Variants in RNF144A observed in about 807,000 individuals in gnomAD.
RNF144A encodes E3 ubiquitin-protein ligase RNF144A.
A neutral mutation model predicts 38.7 loss-of-function variants in RNF144A; 11 were observed. The ratio of observed to expected loss-of-function variants is 0.28; its 90% CI spans 0.18 to 0.47. The LOEUF (loss-of-function observed/expected upper bound fraction) is 0.47. Ranked by LOEUF, RNF144A falls within the 20% of genes least tolerant of loss-of-function variation. The probability of loss-of-function intolerance (pLI) is 0.99; values close to 1 mark genes in which losing one functional copy is unlikely to be tolerated. For synonymous variants in RNF144A, 149 were observed against 143.9 expected (o/e 1.04, Z -0.25); for missense variants, 316 against 377.2 (o/e 0.84, Z 1.34).
intron 2 of RNF144A, among the ~76,000 whole-genome samples, chr2:6,951,645 A>G (rs781129197): frequency 6.6e-6 from 1 of 152,138 alleles, no homozygotes; most frequent in African/African-American, 2.4e-5. Flanking sequence ...TATGTTTTCT[A>G]CTTTTCTCTA....
chr2:6,955,482 A>C (rs1413908880), intron 2 of RNF144A, among the ~76,000 whole-genome samples: 14 of 152,134 alleles, frequency 9.2e-5, no homozygotes, highest in Non-Finnish European at 1.8e-4. Flanking sequence ...GACCGAGTCA[A>C]TTCTTCTCAG....
intron 1 of RNF144A, among the ~76,000 whole-genome samples, chr2:6,937,163 T>G (rs1448329336): frequency 6.6e-6 from 1 of 152,222 alleles, no homozygotes; most frequent in South Asian, 2.1e-4. Flanking sequence ...CCAGAGTATA[T>G]GAAGAACAAT....
chr2:7,021,734 A>G (rs978464512), intron 6 of RNF144A, among the ~76,000 whole-genome samples: 3 of 152,316 alleles, frequency 2.0e-5, no homozygotes, highest in South Asian at 2.1e-4. Flanking sequence ...CATCAGGATG[A>G]GCTCCTGACA....
At chr2:6,929,176 TG>T (rs1665062295) in intron 1 of RNF144A, among the ~76,000 whole-genome samples, 1 of 152,342 alleles carries the variant, frequency 6.6e-6, no homozygotes, top group East Asian at 1.9e-4. Context: ...TGAAACGCCA[TG>T]CATAGTTACA....
intron 3 of RNF144A, among the ~76,000 whole-genome samples, chr2:7,012,285 G>A (rs1425673876): frequency 6.6e-6 from 1 of 152,220 alleles, no homozygotes; most frequent in Admixed American, 6.5e-5. Context: ...CTTAGCTGGT[G>A]CTGTCTACCA....
chr2:7,004,204 A>G (rs1199099260), intron 3 of RNF144A, among the ~76,000 whole-genome samples: 2 of 152,236 alleles, frequency 1.3e-5, no homozygotes, highest in African/African-American at 2.4e-5. Context: ...AACCAGGCAG[A>G]GGCCTCTTTT....
At chr2:6,921,640 C>T (rs112540914) in intron 1 of RNF144A, among the ~76,000 whole-genome samples, 140 of 152,300 alleles carry the variant, frequency 9.2e-4, no homozygotes, top group African/African-American at 3.2e-3. Context: ...AGGCTGTAGT[C>T]TAGGGAGCGG....
chr2:7,020,617 G>C lies in RNF144A; in HGVS notation c.446G>C (p.Ser149Thr), dbSNP rs1228733623. 6.2e-6 allele frequency: 10 copies of C among 1,610,222 alleles called. No individual in the cohort carries two copies. In the South Asian group the frequency reaches 9.9e-5, roughly 16 times the overall value. Residue 149 changes from serine to threonine, a missense_variant, in exon 6 of 9, where the codon AGC becomes ACC. Transcript: ENST00000320892. The part of the protein sequence containing the change: ...RMEFCSTCKA[S>T]WHPGQGCPET... The stretch of plus-strand genomic sequence containing the variant: ...GAATTCTGCTCCACCTGCAAAGCCA[G>C]CTGGCACCCTGGCCAGGGCTGCCCG...
At chr2:6,937,427 C>G (rs1558364089) in intron 1 of RNF144A, among the ~76,000 whole-genome samples, 1 of 152,184 alleles carries the variant, frequency 6.6e-6, no homozygotes, top group East Asian at 1.9e-4. Context: ...TGGCCAGGCT[C>G]TCTTTATAAA....
At chr2:7,054,587 G>A (rs1673656525) in intron 6 of RNF144A, among the ~76,000 whole-genome samples, 1 of 152,148 alleles carries the variant, frequency 6.6e-6, no homozygotes, top group South Asian at 2.1e-4. Flanking sequence ...GAATGTATGT[G>A]TTTCCCCCAA....
intron 2 of RNF144A, among the ~76,000 whole-genome samples, chr2:6,956,953 T>C (rs749044137): frequency 1.3e-5 from 2 of 152,174 alleles, no homozygotes; most frequent in Non-Finnish European, 2.9e-5. Flanking sequence ...ACTCCATCAG[T>C]AGTTCTCAGG....
chr2:6,917,784 G>T lies in RNF144A; in HGVS notation c.-212+162G>T, dbSNP rs1194144352. Among the ~76,000 whole-genome samples the T allele has an allele frequency of 2.4e-4, 36 of 150,244 alleles. No individual in the cohort carries two copies. The highest frequency in any genetic ancestry group is 8.5e-4 in the African/African-American group (35 of 41,312). On this transcript the variant is annotated intron_variant, in intron 1 of 8. Transcript: ENST00000320892. This position sits in a 1 kb window ranked among gnomAD's most constrained non-coding sequence, Gnocchi z 4.8. ...GGCGCCCGGTGGCAGCGGGCGGGGG[G>T]CAGCGTCCCGGGCGGGGACTCGCGG...
At position 7,036,047 on chromosome 2, in the gene RNF144A, G is replaced by A. The variant is rs113341988; in HGVS notation, c.748-3582G>A. ...ATGTCTCACGTGGGACTGACTGTGC[G>A]GTTGCTGGAGTGAGTGTGGGTGCTG... On this transcript the variant is annotated intron_variant, in intron 8 of 8. Coordinates refer to ENST00000320892, the MANE Select transcript of RNF144A (RefSeq NM_014746.6). Among the ~76,000 whole-genome samples the A allele has an allele frequency of 2.0e-4, 30 of 152,298 alleles. 1 individual carries two copies. In the South Asian group the frequency reaches 3.7e-3, roughly 19 times the overall value.
chr2:6,982,154 A>G (rs553853054), intron 2 of RNF144A, among the ~76,000 whole-genome samples: 73 of 152,326 alleles, frequency 4.8e-4, no homozygotes, highest in African/African-American at 1.3e-3. Context: ...ACAATTCCAG[A>G]TAAGATTTGG....
chr2:6,989,891 G>T (rs1018131856), intron 2 of RNF144A, among the ~76,000 whole-genome samples: 1 of 151,898 alleles, frequency 6.6e-6, no homozygotes, highest in Admixed American at 6.6e-5. Context: ...GAAGAAAAAA[G>T]ACCTTATTTT....
intron 6 of RNF144A, among the ~76,000 whole-genome samples, chr2:7,065,041 C>T (rs1404923476): frequency 6.6e-6 from 1 of 152,158 alleles, no homozygotes; most frequent in African/African-American, 2.4e-5. Flanking sequence ...AGTGAGCCTA[C>T]AATAATAGTG....
chr2:7,063,942 G>A (rs1674082791), intron 6 of RNF144A, among the ~76,000 whole-genome samples: 1 of 152,132 alleles, frequency 6.6e-6, no homozygotes, highest in African/African-American at 2.4e-5. Flanking sequence ...GGTTCCGGGG[G>A]CTGGGAAGTC....
At chr2:6,982,033 C>A (rs140905893) in intron 2 of RNF144A, among the ~76,000 whole-genome samples, 222 of 152,234 alleles carry the variant, frequency 1.5e-3, no homozygotes, top group Admixed American at 2.3e-3. Flanking sequence ...TTAAAACCAT[C>A]GGATCTCGTG....
chr2:6,991,140 A>G (rs1558411478), intron 2 of RNF144A, among the ~76,000 whole-genome samples: 1 of 152,212 alleles, frequency 6.6e-6, no homozygotes. Flanking sequence ...TGCTATAAGC[A>G]TGCATGTGCA....
Sources: allele counts gnomAD v4.1 joint callset (sites outside exome capture counted in the v4.1 genomes callset), GRCh38; gene constraint gnomAD v4.1.1; non-coding constraint Gnocchi (gnomAD v3.1); transcripts MANE v1.5; gene names NCBI Gene and HGNC (gene_info 2026-07-23, HGNC 2026-07-21).